Variants in RBBP7 observed in about 807,000 individuals in gnomAD.
RBBP7 encodes the protein RB binding protein 7, chromatin remodeling factor.
A neutral mutation model predicts 35.2 loss-of-function variants in RBBP7; 5 were observed. The observed-to-expected ratio is 0.14, with a 90% CI of 0.07 to 0.30. RBBP7 has a LOEUF of 0.30. Ranked by LOEUF, RBBP7 falls within the 10% of genes least tolerant of loss-of-function variation. RBBP7 has a pLI of 1.00. For missense variants in RBBP7, 155 were observed against 327.5 expected, an observed-to-expected ratio of 0.47 and a Z score of 4.07; for synonymous variants, 140 against 118.7, an observed-to-expected ratio of 1.18 and a Z score of -1.17.
At chrX:16,852,261 G>A (rs970613045) in intron 8 of RBBP7, 139 bp from the exon 9 acceptor site, 17 of 594,203 alleles carry the variant, frequency 2.9e-5, no homozygotes, top group South Asian at 1.2e-4. Context: ...TCTTGTCCCC[G>A]ACTTTCAAGT....
chrX:16,851,929 T>C, intron 9 of RBBP7, 117 bp downstream of exon 9: 1 of 548,825 alleles, frequency 1.8e-6, no homozygotes, highest in Non-Finnish European at 3.0e-6. Context: ...GAAGTTTCTT[T>C]AATATTAGGT....
Position 16,870,269 on chromosome X carries a change from C to T in RBBP7, c.-216G>A. Reference sequence around the variant, plus strand: ...GGGTACCGAGGTCTGAGGCGCTCTTCTCTCTCTCTCCAAACTTGGAACGAG... The same window carrying T: ...GGGTACCGAGGTCTGAGGCGCTCTTTTCTCTCTCTCCAAACTTGGAACGAG... On this transcript the variant is annotated 5_prime_UTR_variant, in exon 1 of 12. Transcript: ENST00000380087. 5.5e-6 allele frequency: 2 copies of T among 363,120 alleles called. No individual in the cohort carries two copies. The highest frequency in any genetic ancestry group is 1.2e-4 in the South Asian group (1 of 8,401). 29.9% of individuals were successfully genotyped at this position (363,120 alleles called of 1,213,427 possible).
At chrX:16,864,594 C>CCAAGAATA (rs1375983560) in intron 2 of RBBP7, among the ~76,000 whole-genome samples, 4 of 107,718 alleles carry the variant, frequency 3.7e-5, no homozygotes, top group Non-Finnish European at 7.7e-5. Flanking sequence ...GCACAGTGGG[C>CCAAGAATA]CAAGAATATG....
intron 5 of RBBP7, among the ~76,000 whole-genome samples, chrX:16,854,479 C>T (rs1930297071): frequency 9.0e-6 from 1 of 110,871 alleles, no homozygotes; most frequent in East Asian, 2.8e-4. Flanking sequence ...TCACCAAGAG[C>T]CCGGCGCTCA....
chrX:16,870,138 T>G lies in RBBP7; in HGVS notation c.-85A>C. On this transcript the variant is annotated 5_prime_UTR_variant, in exon 1 of 12. Transcript: ENST00000380087. The stretch of plus-strand genomic sequence containing the variant: ...AGCCCGACCGCTGGCGCTCCTGCCT[T>G]TCCCAAGCGCGTCACACTCCCCACT... The G allele has an allele frequency of 9.9e-7, 1 of 1,011,741 alleles. No individual in the cohort carries two copies. Among genetic ancestry groups the G allele is most frequent in the Non-Finnish European group, 1.3e-6 (1 of 785,108 alleles). 83.4% of individuals were successfully genotyped at this position (1,011,741 alleles called of 1,213,427 possible).
At chrX:16,863,126 A>G (rs1174014280) in intron 2 of RBBP7, 26 bp from the exon 3 acceptor site, 6 of 1,183,086 alleles carry the variant, frequency 5.1e-6, no homozygotes, top group Middle Eastern at 2.4e-4. Context: ...AATAAGTCAC[A>G]CTAATCCTAC....
intron 1 of RBBP7, chrX:16,869,596 C>T: frequency 6.0e-6 from 7 of 1,164,901 alleles, no homozygotes; most frequent in Non-Finnish European, 8.0e-6. Context: ...CTCCAATCCC[C>T]ATCAGGGGAG....
rs1479233451 is a variant in RBBP7, at chrX:16,844,971, C to A, written c.*64G>T. 6 of 1,044,351 alleles carry A rather than the reference C, an allele frequency of 5.7e-6. No homozygotes were observed. Among genetic ancestry groups the A allele is most frequent in the Non-Finnish European group, 8.0e-6 (6 of 749,103 alleles). The allele number at this position is 1,044,351 out of a possible 1,213,427, so 86.1% of individuals were successfully genotyped here. On this transcript the variant is annotated 3_prime_UTR_variant, in exon 12 of 12. Transcript: ENST00000380087. ...TTCCTACTATACAATGCCTTTTTGGCGCTTGATAAATCAAGCATTCATGTA... is the reference window on the plus strand; with the variant it reads ...TTCCTACTATACAATGCCTTTTTGGAGCTTGATAAATCAAGCATTCATGTA...
At chrX:16,860,849 A>C (rs986365659) in intron 3 of RBBP7, among the ~76,000 whole-genome samples, 1 of 110,828 alleles carries the variant, frequency 9.0e-6, no homozygotes, top group African/African-American at 3.3e-5. Flanking sequence ...TACATACTTC[A>C]GGGCTAAAAG....
chrX:16,869,339 C>T, intron 1 of RBBP7, 119 bp from the exon 2 acceptor site: 6 of 1,059,397 alleles, frequency 5.7e-6, no homozygotes, highest in Non-Finnish European at 7.7e-6. Context: ...CTAATTTGGA[C>T]ACGGACAACT....
In RBBP7 at chrX:16,870,062, G is replaced by A; in HGVS notation, c.-9C>T. The stretch of plus-strand genomic sequence containing the variant: ...CTCTCTTTACTCGCCATCTTGCGTC[G>A]GGTCGTTCGCCCCTCGCCGCCGCCT... On this transcript the variant is annotated 5_prime_UTR_variant, in exon 1 of 12. Coordinates refer to ENST00000380087, the MANE Select transcript of RBBP7 (RefSeq NM_002893.4). The A allele has an allele frequency of 2.8e-6, 3 of 1,084,124 alleles. No individual in the cohort carries two copies. Among genetic ancestry groups the A allele is most frequent in the Non-Finnish European group, 3.6e-6 (3 of 822,484 alleles). 89.3% of individuals were successfully genotyped at this position (1,084,124 alleles called of 1,213,427 possible). A position where few individuals can be genotyped will look rare whatever the true frequency, so the allele number is the denominator to read the frequency against.
chrX:16,868,916 A>C (rs774845178), intron 2 of RBBP7, among the ~76,000 whole-genome samples, 160 bp downstream of exon 2: 205 of 112,301 alleles, frequency 1.8e-3, no homozygotes, highest in African/African-American at 6.5e-3. Flanking sequence ...ATACACCAGA[A>C]ATCATCCCAC....
intron 5 of RBBP7, 97 bp downstream of exon 5, chrX:16,857,497 T>C (rs1204638066): frequency 1.8e-5 from 20 of 1,140,883 alleles, no homozygotes; most frequent in Non-Finnish European, 2.2e-5. Flanking sequence ...AGCAGTATTA[T>C]CTTAGAAAAC....
rs1205807586 is a variant in RBBP7, at chrX:16,862,930, A to G, written c.307+25T>C. On this transcript the variant is annotated intron_variant, in intron 3 of 11. Coordinates refer to ENST00000380087, the MANE Select transcript of RBBP7 (RefSeq NM_002893.4). The stretch of plus-strand genomic sequence containing the variant: ...AAGAGACATTTTCCCTTTGACACCA[A>G]TATTGGAATATATGATATACCTACC... 3 of 1,196,514 alleles carry G rather than the reference A, an allele frequency of 2.5e-6. No individual in the cohort carries two copies. In the East Asian group the frequency reaches 8.9e-5, roughly 36 times the overall value.
At chrX:16,862,870 A>C (rs1930508289) in intron 3 of RBBP7, 85 bp downstream of exon 3, 5 of 1,025,049 alleles carry the variant, frequency 4.9e-6, no homozygotes, top group Non-Finnish European at 6.6e-6. Context: ...CTGGGCCAAA[A>C]GCTAATAGTA....
chrX:16,866,492 C>T (rs1241747627), intron 2 of RBBP7, among the ~76,000 whole-genome samples: 4 of 79,928 alleles, frequency 5.0e-5, no homozygotes, highest in Non-Finnish European at 6.6e-5. Context: ...TGCCACTGCA[C>T]TCCAGCCTGG....
intron 9 of RBBP7, among the ~76,000 whole-genome samples, chrX:16,851,132 AAAAAAGAAAAG>A (rs1032122426): frequency 3.7e-5 from 4 of 109,151 alleles, no homozygotes; most frequent in South Asian, 7.7e-4. Flanking sequence ...TCCAAAAAAA[AAAAAAGAAAAG>A]AAAAGAAAAG....
At chrX:16,858,163 G>A (rs1930391723) in intron 4 of RBBP7, among the ~76,000 whole-genome samples, 2 of 111,150 alleles carry the variant, frequency 1.8e-5, no homozygotes, top group South Asian at 7.6e-4. Flanking sequence ...GACCTGTCAA[G>A]ACTTGTAGGA....
In RBBP7 at chrX:16,869,651, G is replaced by A. The variant is rs753743063; in HGVS notation, c.16+387C>T. 6.2e-6 allele frequency: 7 copies of A among 1,120,770 alleles called. No homozygotes were observed. In the South Asian group the frequency reaches 1.1e-4, roughly 18 times the overall value. The allele number at this position is 1,120,770 out of a possible 1,213,427, so 92.4% of individuals were successfully genotyped here. A position where few individuals can be genotyped will look rare whatever the true frequency, so the allele number is the denominator to read the frequency against. On this transcript the variant is annotated intron_variant, in intron 1 of 11. Coordinates refer to ENST00000380087, the MANE Select transcript of RBBP7 (RefSeq NM_002893.4). Reference sequence around the variant, plus strand: ...CCGCCTCGGCAGCCATAGGCCTGAGGACCCCAGCAACCCCCGGACAAGGGC... The same window carrying A: ...CCGCCTCGGCAGCCATAGGCCTGAGAACCCCAGCAACCCCCGGACAAGGGC...
Sources: allele counts gnomAD v4.1 joint callset (sites outside exome capture counted in the v4.1 genomes callset), GRCh38; gene constraint gnomAD v4.1.1; transcripts MANE v1.5; gene names NCBI Gene and HGNC (gene_info 2026-07-23, HGNC 2026-07-21).